Variants in GEMIN7 observed in about 807,000 individuals in gnomAD.
GEMIN7 encodes the protein gem-associated protein 7.
Under a neutral mutation model 7.8 loss-of-function variants are expected in GEMIN7, and 7 were observed. The observed-to-expected ratio is 0.90, with a 90% CI of 0.51 to 1.69. The LOEUF is 1.69. Ranked by LOEUF, GEMIN7 falls within the 40% of genes most tolerant of loss-of-function variation. GEMIN7 has a pLI of 0.00. For missense variants in GEMIN7, 159 were observed against 176.2 expected (o/e 0.90, Z 0.55); for synonymous variants, 68 against 72.4 (o/e 0.94, Z 0.31).
intron 2 of GEMIN7, among the ~76,000 whole-genome samples, chr19:45,085,992 C>A (rs928457262): frequency 1.3e-5 from 2 of 150,822 alleles, no homozygotes; most frequent in African/African-American, 4.9e-5. Flanking sequence ...CTCAGCCTCC[C>A]GAGTAGCTGG....
upstream of GEMIN7, chr19:45,075,866 C>T (rs1477112907): frequency 1.2e-6 from 2 of 1,613,404 alleles, no homozygotes; most frequent in Non-Finnish European, 1.7e-6. Context: ...TGGCGGTCTG[C>T]AGGGAGGAAG....
intron 2 of GEMIN7, among the ~76,000 whole-genome samples, chr19:45,086,238 G>T (rs1447027974): frequency 6.6e-6 from 1 of 151,900 alleles, no homozygotes; most frequent in Non-Finnish European, 1.5e-5. Flanking sequence ...ACTCCGGCCT[G>T]GGTGACAGAG....
upstream of GEMIN7, chr19:45,076,068 G>C (rs763666403): frequency 6.3e-7 from 1 of 1,581,324 alleles, no homozygotes; most frequent in South Asian, 1.1e-5. This position sits in a 1 kb window ranked among gnomAD's most constrained non-coding sequence, Gnocchi z 4.9. Context: ...AGGGCCCGGG[G>C]TGCTCACCGG....
At chr19:45,081,018 C>G (rs1350200037) in intron 2 of GEMIN7, among the ~76,000 whole-genome samples, 3 of 152,000 alleles carry the variant, frequency 2.0e-5, no homozygotes, top group African/African-American at 7.3e-5. Context: ...ATAAAAAATG[C>G]AAGTAGGGCG....
At chr19:45,082,564 GCA>G (rs1967538140) in intron 2 of GEMIN7, among the ~76,000 whole-genome samples, 1 of 152,136 alleles carries the variant, frequency 6.6e-6, no homozygotes, top group African/African-American at 2.4e-5. Context: ...TGTGGGTCAT[GCA>G]CAGAGCAGGC....
At chr19:45,084,659 C>T (rs1214074136) in intron 2 of GEMIN7, among the ~76,000 whole-genome samples, 1 of 152,222 alleles carries the variant, frequency 6.6e-6, no homozygotes, top group Admixed American at 6.5e-5. Flanking sequence ...CTCACTGCAA[C>T]CTCTGCCTCC....
upstream of GEMIN7, among the ~76,000 whole-genome samples, chr19:45,077,985 AT>A: frequency 6.6e-6 from 1 of 151,748 alleles, no homozygotes; most frequent in East Asian, 1.9e-4. Context: ...CTGCTTCAGC[AT>A]CCCAAAGTGC....
In GEMIN7 at chr19:45,081,994, C is replaced by T. The variant is rs76186797; in HGVS notation, c.-9+1965C>T. Among the ~76,000 whole-genome samples, 765 of 152,256 alleles carry T rather than the reference C, an allele frequency of 5.0e-3. 5 individuals are homozygous for T. The highest frequency in any genetic ancestry group is 0.018 in the African/African-American group (741 of 41,560). ...ATTGTCCCCAGCCCATACTAGACGC[C>T]ATCTTCTTCCACCTGGACCACTACA... On this transcript the variant is annotated intron_variant, in intron 2 of 2. Transcript: ENST00000270257.
At chr19:45,080,179 T>C (rs1243899253) in intron 2 of GEMIN7, 150 bp downstream of exon 2, 1 of 152,132 alleles carries the variant, frequency 6.6e-6, no homozygotes, top group African/African-American at 2.4e-5. Context: ...GATAAAGGCC[T>C]CTGGGGCCAG....
At chr19:45,087,774 C>G (rs1967746138) in intron 2 of GEMIN7, among the ~76,000 whole-genome samples, 1 of 151,906 alleles carries the variant, frequency 6.6e-6, no homozygotes, top group African/African-American at 2.4e-5. Flanking sequence ...TGTTGGGGTG[C>G]AGACGGCGGG....
chr19:45,085,313 C>T (rs12975438), intron 2 of GEMIN7: 41,020 of 151,988 alleles, frequency 0.27, 6,489 homozygotes, highest in Non-Finnish European at 0.36. Context: ...CATCAGGAGA[C>T]GTTTGGCAAT....
chr19:45,075,854 G>A (rs759451425), upstream of GEMIN7: 2 of 1,614,010 alleles, frequency 1.2e-6, no homozygotes. Context: ...TCGGTCCAGG[G>A]CTGGCGGTCT....
rs1291399239 is a variant in GEMIN7, at chr19:45,079,302, T to G, written c.-207T>G. On this transcript the variant is annotated 5_prime_UTR_variant, in exon 1 of 3. Transcript: ENST00000270257. ...TCGGTGAGTACAAGGTGGTGGGGGG[T>G]CGCCAGCAGGTTCCCTCTCCCCGGC... is the stretch of plus-strand genomic sequence containing the variant. 2.6e-5 allele frequency: 4 copies of G among 151,870 alleles called. No individual in the cohort carries two copies. Among genetic ancestry groups the G allele is most frequent in the Non-Finnish European group, 5.9e-5 (4 of 68,162 alleles). 9.4% of individuals were successfully genotyped at this position (151,870 alleles called of 1,614,324 possible). A position where few individuals can be genotyped will look rare whatever the true frequency, so the allele number is the denominator to read the frequency against.
chr19:45,082,786 A>ATTT (rs35129433), intron 2 of GEMIN7, among the ~76,000 whole-genome samples: 76,820 of 137,968 alleles, frequency 0.56, 21,938 homozygotes, highest in African/African-American at 0.61. Flanking sequence ...TGCCCAGCTA[A>ATTT]TTTTTTTTTT....
chr19:45,080,374 ATTTTTT>A (rs765472967), intron 2 of GEMIN7, among the ~76,000 whole-genome samples: 5 of 134,884 alleles, frequency 3.7e-5, no homozygotes, highest in African/African-American at 1.1e-4. Flanking sequence ...CAAGGAAATG[ATTTTTT>A]TTTTTTTTTT....
upstream of GEMIN7, chr19:45,075,851 A>G: frequency 6.2e-7 from 1 of 1,613,824 alleles, no homozygotes. Context: ...TTGTCGGTCC[A>G]GGGCTGGCGG....
upstream of GEMIN7, chr19:45,075,872 G>A (rs2122637690): frequency 6.2e-7 from 1 of 1,613,564 alleles, no homozygotes; most frequent in South Asian, 1.1e-5. Flanking sequence ...TCTGCAGGGA[G>A]GAAGCGGGTG....
chr19:45,088,538 G>GCTGCTCTT (rs1261221805), intron 2 of GEMIN7: 1 of 151,862 alleles, frequency 6.6e-6, no homozygotes, highest in African/African-American at 2.4e-5. Flanking sequence ...TGTTGCCCAG[G>GCTGCTCTT]CTGCTCTTGA....
intron 2 of GEMIN7, among the ~76,000 whole-genome samples, chr19:45,088,924 C>G (rs974840165): frequency 6.1e-5 from 9 of 146,414 alleles, no homozygotes; most frequent in Non-Finnish European, 1.3e-4. Context: ...CTTCATCAAA[C>G]TCCCATCCAT....
Sources: allele counts gnomAD v4.1 joint callset (sites outside exome capture counted in the v4.1 genomes callset), GRCh38; gene constraint gnomAD v4.1.1; non-coding constraint Gnocchi (gnomAD v3.1); transcripts MANE v1.5; gene names NCBI Gene and HGNC (gene_info 2026-07-23, HGNC 2026-07-21).